PFKP: variants seen among roughly 807,000 people sequenced by gnomAD.
PFKP encodes phosphofructokinase, platelet.
Under a neutral mutation model 94.3 loss-of-function variants are expected in PFKP, and 101 were observed. The ratio of observed to expected loss-of-function variants is 1.07; its 90% CI spans 0.91 to 1.26. The LOEUF (loss-of-function observed/expected upper bound fraction) is 1.26, where lower values mean the gene tolerates loss of function less well. Ranked by LOEUF, PFKP falls within the 50% of genes most tolerant of loss-of-function variation. PFKP has a pLI of 0.00. For missense variants in PFKP, 1,145 were observed against 1,103.3 expected (o/e 1.04, Z -0.53); for synonymous variants, 573 against 432.6 (o/e 1.32, Z -4.03).
intron 4 of PFKP, among the ~76,000 whole-genome samples, chr10:3,102,268 A>C (rs1468887822): frequency 1.4e-5 from 2 of 148,014 alleles, no homozygotes; most frequent in Non-Finnish European, 1.5e-5. Context: ...AAAAAAAAAA[A>C]AAAAACTGAA....
chr10:3,100,864 A>AAAT, intron 3 of PFKP: 18 of 365,562 alleles, frequency 4.9e-5, no homozygotes, highest in Non-Finnish European at 6.8e-5. Context: ...ATGTGGTGCA[A>AAAT]AAAAAAAAAA....
intron 2 of PFKP, among the ~76,000 whole-genome samples, chr10:3,094,500 G>T (rs1834323129): frequency 6.6e-6 from 1 of 152,192 alleles, no homozygotes; most frequent in African/African-American, 2.4e-5. Flanking sequence ...GCTTTGCTGG[G>T]GTGATTGGTA....
intron 17 of PFKP, 59 bp from the exon 18 acceptor site, chr10:3,132,321 G>C: frequency 8.0e-7 from 1 of 1,257,814 alleles, no homozygotes; most frequent in Non-Finnish European, 1.2e-6. Flanking sequence ...GCAGTGCCTG[G>C]CACACAGTAG....
intron 1 of PFKP, chr10:3,070,408 A>G (rs957686186): frequency 2.6e-5 from 4 of 152,266 alleles, no homozygotes; most frequent in Admixed American, 6.5e-5. Flanking sequence ...TCCCTGACAT[A>G]GAAGACTATT....
At chr10:3,112,385 C>G in intron 11 of PFKP, 99 bp downstream of exon 11, 1 of 907,526 alleles carries the variant, frequency 1.1e-6, no homozygotes, top group South Asian at 1.3e-5. Context: ...TTCCATGTCA[C>G]TGTGAAAAAT....
At chr10:3,104,524 A>C (rs1423909163) in intron 5 of PFKP, among the ~76,000 whole-genome samples, 1 of 152,254 alleles carries the variant, frequency 6.6e-6, no homozygotes, top group Non-Finnish European at 1.5e-5. Context: ...AGTCCCCAGC[A>C]TGGCGCCTCC....
intron 16 of PFKP, among the ~76,000 whole-genome samples, chr10:3,121,529 T>C (rs1837401206): frequency 1.3e-5 from 2 of 151,494 alleles, no homozygotes; most frequent in Admixed American, 1.3e-4. Context: ...GAGCGGTCGC[T>C]GCAGTTAGCT....
At chr10:3,134,446 T>TTAAATAAAA in intron 19 of PFKP, 37 bp from the exon 20 acceptor site, 2 of 1,178,148 alleles carry the variant, frequency 1.7e-6, no homozygotes, top group Non-Finnish European at 1.3e-6. Context: ...AGTGTTACTG[T>TTAAATAAAA]ATAACTGGTA....
In PFKP at chr10:3,116,855, C is replaced by T. The variant is rs191057630; in HGVS notation, c.1442+9C>T. 613 of 1,585,210 alleles carry T rather than the reference C, an allele frequency of 3.9e-4. 2 individuals are homozygous for T. In the African/African-American group the frequency reaches 7.4e-3, roughly 19 times the overall value. Reference sequence around the variant, plus strand: ...ATTCTTGGGACAAAACGGTAACTTCCAAATCTCAACTCTATGACCTGCTTT... The same window carrying T: ...ATTCTTGGGACAAAACGGTAACTTCTAAATCTCAACTCTATGACCTGCTTT... On this transcript the variant is annotated intron_variant, in intron 14 of 21. Coordinates refer to ENST00000381125, the MANE Select transcript of PFKP (RefSeq NM_002627.5).
intron 2 of PFKP, among the ~76,000 whole-genome samples, chr10:3,093,729 C>T (rs1283016941): frequency 6.0e-5 from 9 of 149,126 alleles, no homozygotes; most frequent in African/African-American, 1.0e-4. Flanking sequence ...CTGCAAGCTC[C>T]GCCTCCCAGG....
chr10:3,125,849 C>T (rs1311729366), intron 16 of PFKP, among the ~76,000 whole-genome samples: 4 of 152,200 alleles, frequency 2.6e-5, no homozygotes, highest in African/African-American at 7.2e-5. Flanking sequence ...ATAAGCTGGA[C>T]ATGAAGACCT....
intron 1 of PFKP, among the ~76,000 whole-genome samples, chr10:3,071,445 T>TTTTTTG (rs1564254763): frequency 7.2e-6 from 1 of 138,754 alleles, no homozygotes; most frequent in Non-Finnish European, 1.6e-5. Context: ...TTTTTTTTTT[T>TTTTTTG]TTTTCTTTCT....
At chr10:3,079,672 G>GGGGGGGGAGGGGGAA (rs1832890430) in intron 1 of PFKP, among the ~76,000 whole-genome samples, 1 of 111,474 alleles carries the variant, frequency 9.0e-6, no homozygotes, top group Non-Finnish European at 2.1e-5. Flanking sequence ...TGGGGGGGGG[G>GGGGGGGGAGGGGGAA]GGAAGAGGAG....
chr10:3,113,968 G>A (rs544640198), intron 13 of PFKP, among the ~76,000 whole-genome samples: 1 of 152,176 alleles, frequency 6.6e-6, no homozygotes, highest in Admixed American at 6.5e-5. Flanking sequence ...GGATTGACAT[G>A]TGTTCACCCA....
chr10:3,123,991 C>T (rs919426907), intron 16 of PFKP, among the ~76,000 whole-genome samples: 7 of 151,718 alleles, frequency 4.6e-5, no homozygotes, highest in Non-Finnish European at 1.0e-4. Context: ...CTTGTGGTCA[C>T]CCAGCACTGA....
At chr10:3,078,358 G>T (rs1227916936) in intron 1 of PFKP, among the ~76,000 whole-genome samples, 1 of 152,196 alleles carries the variant, frequency 6.6e-6, no homozygotes, top group African/African-American at 2.4e-5. Flanking sequence ...TCATCCACCA[G>T]TGTTCTTCTC....
chr10:3,129,668 C>T (rs1838331507), intron 16 of PFKP, 151 bp from the exon 17 acceptor site: 2 of 796,858 alleles, frequency 2.5e-6, no homozygotes, highest in Non-Finnish European at 4.0e-6. Flanking sequence ...CACATCCTGG[C>T]TGCTGCACAC....
intron 2 of PFKP, among the ~76,000 whole-genome samples, chr10:3,084,716 AGAG>A (rs1833360095): frequency 1.5e-5 from 1 of 68,622 alleles, no homozygotes; most frequent in Non-Finnish European, 3.6e-5. Flanking sequence ...CCTCCCCAGG[AGAG>A]TCCTCCAGCC....
intron 6 of PFKP, 74 bp downstream of exon 6, chr10:3,105,233 C>G (rs879317526): frequency 4.9e-6 from 7 of 1,434,162 alleles, no homozygotes; most frequent in Non-Finnish European, 5.9e-6. Context: ...TGAGGCTGCA[C>G]CCCACATCCT....
Sources: gnomAD v4.1 joint callset for allele counts (sites outside exome capture counted in the v4.1 genomes callset) on GRCh38, gnomAD v4.1.1 for gene constraint, MANE v1.5 for transcripts, NCBI Gene and HGNC (gene_info 2026-07-23, HGNC 2026-07-21) for gene names.